The following ZNF33B variants were observed in gnomAD, a reference collection of about 807,000 sequenced individuals.
The protein encoded by ZNF33B is zinc finger protein 33B.
In ZNF33B, 29 loss-of-function variants were observed where a neutral mutation model predicts 45.8. The ratio of observed to expected loss-of-function variants is 0.63; its 90% CI spans 0.47 to 0.86. The LOEUF (loss-of-function observed/expected upper bound fraction) is 0.86. Among genes scored for constraint, ZNF33B ranks in the 40% least tolerant of loss-of-function variants. The pLI, the probability that ZNF33B is intolerant of heterozygous loss-of-function variation, is 0.00. For synonymous variants in ZNF33B, 305 were observed against 307.8 expected, an observed-to-expected ratio of 0.99 and a Z score of 0.10; for missense variants, 831 against 909.9, an observed-to-expected ratio of 0.91 and a Z score of 1.12.
chr10:42,625,365 A>T (rs1246817866), intron 4 of ZNF33B, among the ~76,000 whole-genome samples: 1 of 136,262 alleles, frequency 7.3e-6, no homozygotes, highest in Non-Finnish European at 1.7e-5. Flanking sequence ...TTTAATTTAG[A>T]TTTGTATATG....
intron 4 of ZNF33B, among the ~76,000 whole-genome samples, chr10:42,617,133 T>G (rs149257708): frequency 0.015 from 1,792 of 122,838 alleles, 52 homozygotes; most frequent in African/African-American, 0.052. Context: ...AGGCAAGGTC[T>G]CACTCTGTCA....
intron 1 of ZNF33B, among the ~76,000 whole-genome samples, chr10:42,576,214 C>A (rs1207231889): frequency 1.3e-5 from 2 of 152,014 alleles, no homozygotes; most frequent in Non-Finnish European, 2.9e-5. Context: ...GTCTCGAACT[C>A]CTGAGCTCAG....
intron 4 of ZNF33B, among the ~76,000 whole-genome samples, chr10:42,603,739 G>A (rs1196451425): frequency 1.3e-5 from 2 of 152,202 alleles, no homozygotes; most frequent in African/African-American, 4.8e-5. Flanking sequence ...TATCAGCAAA[G>A]TGTAACAGCA....
rs886983254 is a variant in ZNF33B, at chr10:42,589,667, C to G, written c.*2946G>C. 1.1e-4 allele frequency: 17 copies of G among 152,272 alleles called. 2 individuals are homozygous for G. Among genetic ancestry groups the G allele is most frequent in the African/African-American group, 3.8e-4 (16 of 41,578 alleles). The allele number at this position is 152,272 out of a possible 1,614,324, so 9.4% of individuals were successfully genotyped here. On this transcript the variant is annotated 3_prime_UTR_variant, in exon 5 of 5. Coordinates refer to ENST00000359467, the MANE Select transcript of ZNF33B (RefSeq NM_006955.3). ...TACCTGAGGACTACATTCTACAACC[C>G]TGCTATAATTGCTTATTAATGTCAG...
rs1240347984 is a variant in ZNF33B, at chr10:42,594,637, C to T, written c.313G>A (p.Glu105Lys). ...ATTTCATTATTGATGAATACAACTT[C>T]CCACAAATGTTTAGATTGATTTTCT... ...SQENQSKHLW[E>K]VVFINNEMLT... is the part of the protein sequence containing the mutation. The change falls in exon 5 of 5, where the codon GAA becomes AAA. Residue 105 changes from glutamate (E) to lysine (K), a missense_variant. Glu to Lys is a moderately conservative substitution (Grantham distance 56, BLOSUM62 1). Transcript: ENST00000359467. The T allele has an allele frequency of 6.2e-7, 1 of 1,607,380 alleles. No individual in the cohort carries two copies.
intron 4 of ZNF33B, among the ~76,000 whole-genome samples, chr10:42,604,609 A>G (rs1837761816): frequency 6.6e-6 from 1 of 151,870 alleles, no homozygotes; most frequent in African/African-American, 2.4e-5. Flanking sequence ...AAAACTCACT[A>G]GAATGACTCA....
chr10:42,603,461 T>A (rs894782764), intron 4 of ZNF33B, among the ~76,000 whole-genome samples: 1 of 152,198 alleles, frequency 6.6e-6, no homozygotes, highest in African/African-American at 2.4e-5. Flanking sequence ...AAGAGATGCC[T>A]AAGAAGAGAC....
chr10:42,604,381 G>T (rs2132073669), intron 4 of ZNF33B, among the ~76,000 whole-genome samples: 1 of 152,252 alleles, frequency 6.6e-6, no homozygotes, highest in African/African-American at 2.4e-5. Context: ...GGAGGCAGAG[G>T]TTGCAGTGAG....
intron 4 of ZNF33B, among the ~76,000 whole-genome samples, chr10:42,629,390 A>G (rs1426115845): frequency 2.6e-5 from 4 of 152,228 alleles, no homozygotes; most frequent in African/African-American, 7.2e-5. Context: ...TGCTAGCCCA[A>G]CAGGGTGACT....
intron 4 of ZNF33B, among the ~76,000 whole-genome samples, chr10:42,630,056 T>C (rs1367806320): frequency 6.6e-6 from 1 of 152,120 alleles, no homozygotes; most frequent in African/African-American, 2.4e-5. Context: ...GAAAAATATA[T>C]TTATCCCCAT....
intron 4 of ZNF33B, chr10:42,631,663 C>A: frequency 2.7e-6 from 1 of 366,768 alleles, no homozygotes; most frequent in Admixed American, 4.2e-5. Context: ...CCAAGAAAAA[C>A]AACAGTAAAG....
At position 42,614,868 on chromosome 10, in the gene ZNF33B, G is replaced by C. The variant is rs1055599744; in HGVS notation, c.250+17061C>G. ...ACTCAGGAGGCTGAGGCAGAGAATT[G>C]CTTGAACCCAGGAGACAGAGGCTGC... On this transcript the variant is annotated intron_variant, in intron 4 of 4. Transcript: ENST00000359467. 2.6e-5 allele frequency among the ~76,000 whole-genome samples: 4 copies of C among 152,010 alleles called. No homozygotes were observed. In the East Asian group the frequency reaches 7.8e-4, roughly 30 times the overall value.
intron 1 of ZNF33B, among the ~76,000 whole-genome samples, chr10:42,579,013 C>A (rs560327943): frequency 6.6e-6 from 1 of 152,178 alleles, no homozygotes; most frequent in South Asian, 2.1e-4. Flanking sequence ...AGTAATGCTG[C>A]AAATATTACA....
At chr10:42,627,152 C>T (rs991139739) in intron 4 of ZNF33B, among the ~76,000 whole-genome samples, 2 of 75,000 alleles carry the variant, frequency 2.7e-5, no homozygotes, top group Non-Finnish European at 7.7e-5. Flanking sequence ...TACAGGCGTG[C>T]ACCACCACAC....
chr10:42,615,786 A>G (rs981374279), intron 4 of ZNF33B, among the ~76,000 whole-genome samples: 2 of 152,068 alleles, frequency 1.3e-5, no homozygotes, highest in African/African-American at 4.8e-5. Flanking sequence ...TTATCTGGGC[A>G]TAGTGGTGCA....
At chr10:42,614,772 G>A (rs1838242055) in intron 4 of ZNF33B, among the ~76,000 whole-genome samples, 2 of 151,966 alleles carry the variant, frequency 1.3e-5, no homozygotes, top group African/African-American at 2.4e-5. Context: ...TGGCCAACAT[G>A]GTGAAACCCC....
Position 42,615,818 on chromosome 10 carries a change from G to A in ZNF33B, c.250+16111C>T, listed in dbSNP as rs112111258. Among the ~76,000 whole-genome samples, 3 of 151,990 alleles carry A rather than the reference G, an allele frequency of 2.0e-5. No individual in the cohort carries two copies. In the South Asian group the frequency reaches 6.2e-4, roughly 32 times the overall value. ...TGCATGCCTGCAATCCCAGCTACTC[G>A]GGAGGCTGTGGCAGGAGAATCGCTT... is the stretch of plus-strand genomic sequence containing the variant. On this transcript the variant is annotated intron_variant, in intron 4 of 4. Transcript: ENST00000359467.
intron 4 of ZNF33B, among the ~76,000 whole-genome samples, chr10:42,628,558 C>A (rs1367375215): frequency 2.0e-5 from 3 of 152,050 alleles, no homozygotes; most frequent in Non-Finnish European, 4.4e-5. Flanking sequence ...TGGATTGATC[C>A]TTTTATCATT....
At chr10:42,624,729 T>A (rs1378777385) in intron 4 of ZNF33B, among the ~76,000 whole-genome samples, 1 of 152,184 alleles carries the variant, frequency 6.6e-6, no homozygotes, top group Non-Finnish European at 1.5e-5. Context: ...AATTAACTCA[T>A]GGGTAGCATA....
Sources: gnomAD v4.1 joint callset for allele counts (sites outside exome capture counted in the v4.1 genomes callset) on GRCh38, gnomAD v4.1.1 for gene constraint, MANE v1.5 for transcripts, NCBI Gene and HGNC (gene_info 2026-07-23, HGNC 2026-07-21) for gene names.